Variants in PRELID2 observed in about 807,000 individuals in gnomAD.
The protein encoded by PRELID2 is PRELI domain containing 2.
PRELID2 carries 25 observed loss-of-function variants against 28.4 expected under a neutral mutation model. That is an observed-to-expected ratio of 0.88 (90% CI 0.64 to 1.23). PRELID2 has a LOEUF of 1.23. Among genes scored for constraint, PRELID2 ranks in the 50% most tolerant of loss-of-function variants. The pLI is 0.00. For missense variants in PRELID2, 201 were observed against 214.4 expected (o/e 0.94, Z 0.39); for synonymous variants, 76 against 71.6 (o/e 1.06, Z -0.31).
chr5:145,835,086 G>T, intron 1 of PRELID2, 91 bp downstream of exon 1: 1 of 853,430 alleles, frequency 1.2e-6, no homozygotes, highest in Middle Eastern at 2.8e-4. Flanking sequence ...AGAGACACTG[G>T]CGGTGCCAGC....
chr5:145,790,745 A>ATATC (rs1561611898), intron 5 of PRELID2, among the ~76,000 whole-genome samples: 7 of 145,474 alleles, frequency 4.8e-5, no homozygotes, highest in Non-Finnish European at 1.1e-4. Flanking sequence ...ATATATATAT[A>ATATC]TCAAAATGCC....
At chr5:145,385,357 T>TAAA in the PRELID2 span, among the ~76,000 whole-genome samples, 2 of 152,178 alleles carry the variant, frequency 1.3e-5, no homozygotes, top group African/African-American at 4.8e-5. Flanking sequence ...CTGAGTTATT[T>TAAA]GTCTATAAAA....
the PRELID2 span, among the ~76,000 whole-genome samples, chr5:145,345,854 A>C: frequency 6.6e-6 from 1 of 151,482 alleles, no homozygotes; most frequent in East Asian, 2.0e-4. Flanking sequence ...ATATGTACAC[A>C]TTTAGCCATT....
At chr5:145,746,597 C>T (rs1323459618) in intron 1 of PRELID2, among the ~76,000 whole-genome samples, 2 of 152,144 alleles carry the variant, frequency 1.3e-5, no homozygotes, top group African/African-American at 4.8e-5. Context: ...GCCTTTAACA[C>T]CCCACTGTCA....
At chr5:145,402,771 A>G in the PRELID2 span, among the ~76,000 whole-genome samples, 1 of 152,204 alleles carries the variant, frequency 6.6e-6, no homozygotes, top group Non-Finnish European at 1.5e-5. Flanking sequence ...CAGATGCCTG[A>G]TAGTGAGGAT....
chr5:145,320,228 C>A, the PRELID2 span, among the ~76,000 whole-genome samples: 1 of 151,888 alleles, frequency 6.6e-6, no homozygotes, highest in African/African-American at 2.4e-5. Context: ...CTTGGCATTT[C>A]CTGCCTGCAG....
chr5:145,523,335 A>C (rs1419757879), intron 1 of PRELID2, among the ~76,000 whole-genome samples: 1 of 152,218 alleles, frequency 6.6e-6, no homozygotes, highest in Non-Finnish European at 1.5e-5. Context: ...TTTTAAATAA[A>C]CAGTTGACTT....
chr5:145,826,732 A>C (rs544877346), intron 1 of PRELID2, among the ~76,000 whole-genome samples: 5 of 152,300 alleles, frequency 3.3e-5, no homozygotes, highest in African/African-American at 1.2e-4. Flanking sequence ...ATATGCATTA[A>C]AGCAAACACA....
chr5:145,421,519 A>T, the PRELID2 span, among the ~76,000 whole-genome samples: 1 of 147,960 alleles, frequency 6.8e-6, no homozygotes, highest in Non-Finnish European at 1.5e-5. Flanking sequence ...GTTTATTTGC[A>T]TAGAGGTGTT....
intron 1 of PRELID2, among the ~76,000 whole-genome samples, chr5:145,671,997 T>C (rs952991579): frequency 6.6e-6 from 1 of 152,198 alleles, no homozygotes; most frequent in African/African-American, 2.4e-5. Flanking sequence ...TACTTTATTT[T>C]CAAACGCCTT....
chr5:145,325,553 G>A, the PRELID2 span, among the ~76,000 whole-genome samples: 7 of 152,096 alleles, frequency 4.6e-5, no homozygotes, highest in Admixed American at 1.3e-4. Flanking sequence ...TTTTACAAGG[G>A]ACTTAAAATA....
the PRELID2 span, among the ~76,000 whole-genome samples, chr5:145,236,233 C>G: frequency 6.6e-6 from 1 of 152,142 alleles, no homozygotes; most frequent in African/African-American, 2.4e-5. Context: ...TCCTCAACCA[C>G]AGCTGTGTCT....
the PRELID2 span, among the ~76,000 whole-genome samples, chr5:145,323,651 C>T: frequency 1.3e-5 from 2 of 152,080 alleles, no homozygotes; most frequent in Non-Finnish European, 2.9e-5. Flanking sequence ...AGCATCCGTT[C>T]CCTTCTTTGT....
chr5:145,495,854 G>A (rs1183919854), intron 1 of PRELID2, among the ~76,000 whole-genome samples: 1 of 151,988 alleles, frequency 6.6e-6, no homozygotes. Flanking sequence ...AATTCCCCTG[G>A]GTTTTGCACC....
chr5:145,482,925 G>A (rs34598280), intron 1 of PRELID2, among the ~76,000 whole-genome samples: 31,408 of 151,894 alleles, frequency 0.21, 3,681 homozygotes, highest in South Asian at 0.36. Context: ...AGGAGGCAGA[G>A]CTCAGGCGGT....
Position 145,774,169 on chromosome 5 carries a change from T to C in PRELID2, c.475-9169A>G, listed in dbSNP as rs140624327. 2.3e-4 allele frequency among the ~76,000 whole-genome samples: 35 copies of C among 152,326 alleles called. No homozygotes were observed. The East Asian group carries it at 6.6e-3, about 29-fold the overall frequency. The stretch of plus-strand genomic sequence containing the variant: ...TGACACTTTACTTACATTATCTCAT[T>C]TAACCCTCTCAATAGTCCCGTGAGG... On this transcript the variant is annotated intron_variant, in intron 5 of 6. Transcript: ENST00000683046.
At chr5:145,826,020 G>A (rs747898896) in intron 1 of PRELID2, 18 of 985,322 alleles carry the variant, frequency 1.8e-5, no homozygotes, top group Non-Finnish European at 2.2e-5. Context: ...GAGGCAGATG[G>A]CCAGGTTTTT....
At chr5:145,258,373 C>A in the PRELID2 span, among the ~76,000 whole-genome samples, 1 of 152,128 alleles carries the variant, frequency 6.6e-6, no homozygotes, top group East Asian at 1.9e-4. Context: ...ATCTTAGAGA[C>A]TGGTTAAGTG....
chr5:145,694,428 A>T (rs1330055272), intron 1 of PRELID2, among the ~76,000 whole-genome samples: 2 of 152,014 alleles, frequency 1.3e-5, no homozygotes, highest in Non-Finnish European at 2.9e-5. Context: ...AATGAAATTT[A>T]TTTTTCTTAT....
Sources: allele counts gnomAD v4.1 joint callset (sites outside exome capture counted in the v4.1 genomes callset), GRCh38; gene constraint gnomAD v4.1.1; transcripts MANE v1.5; gene names NCBI Gene and HGNC (gene_info 2026-07-23, HGNC 2026-07-21).